Variants in RPH3A observed in about 807,000 individuals in gnomAD.
RPH3A encodes the protein rabphilin-3A.
Under a neutral mutation model 102.2 loss-of-function variants are expected in RPH3A, and 48 were observed. The ratio of observed to expected loss-of-function variants is 0.47; its 90% confidence interval spans 0.37 to 0.60. RPH3A has a LOEUF of 0.60. Ranked by LOEUF, RPH3A falls within the 20% of genes least tolerant of loss-of-function variation. RPH3A has a pLI of 0.00. For missense variants in RPH3A, 781 were observed against 910.1 expected (o/e 0.86, Z 1.83); for synonymous variants, 310 against 324.3 (o/e 0.96, Z 0.47).
intron 2 of RPH3A, among the ~76,000 whole-genome samples, chr12:112,808,186 T>C (rs2041505117): frequency 6.6e-6 from 1 of 152,124 alleles, no homozygotes; most frequent in Non-Finnish European, 1.5e-5. Context: ...CCCCAAGCCT[T>C]AGAAGGGATG....
intron 19 of RPH3A, 50 bp downstream of exon 19, chr12:112,891,053 C>G: frequency 6.2e-7 from 1 of 1,600,048 alleles, no homozygotes; most frequent in Non-Finnish European, 8.5e-7. Context: ...AGTCCTGGAG[C>G]CTTGGAAAAG....
intron 1 of RPH3A, among the ~76,000 whole-genome samples, chr12:112,617,391 G>T (rs2039688884): frequency 6.6e-6 from 1 of 152,216 alleles, no homozygotes; most frequent in Non-Finnish European, 1.5e-5. Context: ...TCAGTAGGAT[G>T]AGCTTGGACA....
chr12:112,747,912 G>A (rs1343653653), intron 1 of RPH3A, among the ~76,000 whole-genome samples: 2 of 152,210 alleles, frequency 1.3e-5, no homozygotes, highest in Non-Finnish European at 2.9e-5. Context: ...ACGCCTGGCA[G>A]CCAGGAGCCC....
intron 1 of RPH3A, among the ~76,000 whole-genome samples, chr12:112,724,437 T>C (rs1029234552): frequency 6.6e-6 from 1 of 152,182 alleles, no homozygotes; most frequent in Non-Finnish European, 1.5e-5. Flanking sequence ...CAAAAAATTT[T>C]TCCAATATAT....
intron 5 of RPH3A, among the ~76,000 whole-genome samples, chr12:112,857,709 C>G (rs1242804626): frequency 6.6e-6 from 1 of 152,164 alleles, no homozygotes; most frequent in Non-Finnish European, 1.5e-5. Flanking sequence ...ATAATTTGTT[C>G]CAGCAGCCAC....
chr12:112,620,566 G>T (rs187831307), intron 1 of RPH3A, among the ~76,000 whole-genome samples: 1 of 152,244 alleles, frequency 6.6e-6, no homozygotes, highest in Non-Finnish European at 1.5e-5. Flanking sequence ...CAGCCTGGCG[G>T]GTCCCCTAAG....
At chr12:112,895,702 G>T in intron 20 of RPH3A, 75 bp from the exon 21 acceptor site, 1 of 1,017,280 alleles carries the variant, frequency 9.8e-7, no homozygotes, top group Non-Finnish European at 1.5e-6. Flanking sequence ...ATAACCCCTA[G>T]GACTCGGCCT....
At chr12:112,581,659 C>G (rs2039401961) in intron 1 of RPH3A, among the ~76,000 whole-genome samples, 1 of 151,692 alleles carries the variant, frequency 6.6e-6, no homozygotes, top group Non-Finnish European at 1.5e-5. Flanking sequence ...CTTGGCTTCC[C>G]AAAGTGCTGG....
upstream of RPH3A, chr12:112,791,617 C>G (rs2041101707): frequency 6.6e-6 from 1 of 152,138 alleles, no homozygotes; most frequent in East Asian, 1.9e-4. Flanking sequence ...TCTGGTGCGC[C>G]CAACCTCCCC....
intron 1 of RPH3A, among the ~76,000 whole-genome samples, chr12:112,779,824 C>G (rs1185484505): frequency 4.6e-5 from 7 of 152,132 alleles, no homozygotes; most frequent in Non-Finnish European, 7.4e-5. Flanking sequence ...AAGGTGAGGT[C>G]ATCCTGGATT....
At chr12:112,612,622 T>C (rs1170428283) in intron 1 of RPH3A, among the ~76,000 whole-genome samples, 2 of 143,456 alleles carry the variant, frequency 1.4e-5, no homozygotes, top group Admixed American at 7.4e-5. Context: ...TGGAGTGCAA[T>C]GACGTGATCT....
chr12:112,714,140 C>A (rs1359269630), intron 1 of RPH3A, among the ~76,000 whole-genome samples: 2 of 151,998 alleles, frequency 1.3e-5, no homozygotes, highest in Non-Finnish European at 1.5e-5. Flanking sequence ...TGTGTCTATC[C>A]CGTGGGTTCA....
At chr12:112,773,350 G>A (rs1444393503) in intron 1 of RPH3A, among the ~76,000 whole-genome samples, 1 of 152,070 alleles carries the variant, frequency 6.6e-6, no homozygotes. Context: ...TGGTTCCTTG[G>A]TGCAGAAAAG....
At chr12:112,799,318 G>A (rs1287927409) in intron 2 of RPH3A, among the ~76,000 whole-genome samples, 1 of 152,154 alleles carries the variant, frequency 6.6e-6, no homozygotes, top group Non-Finnish European at 1.5e-5. Flanking sequence ...AGCCCAGGAG[G>A]CTGAGGCTAC....
intron 1 of RPH3A, among the ~76,000 whole-genome samples, chr12:112,777,521 C>T (rs780921329): frequency 2.0e-5 from 3 of 152,178 alleles, no homozygotes; most frequent in Non-Finnish European, 2.9e-5. Context: ...TTAAAGAACA[C>T]GTAGGTGCCT....
chr12:112,824,522 C>T (rs1015353858), intron 2 of RPH3A, among the ~76,000 whole-genome samples: 22 of 152,086 alleles, frequency 1.4e-4, no homozygotes, highest in African/African-American at 4.3e-4. Context: ...CCAGATCTGC[C>T]GGTGGACACA....
chr12:112,794,970 G>A (rs1360820042), intron 2 of RPH3A, among the ~76,000 whole-genome samples: 1 of 152,218 alleles, frequency 6.6e-6, no homozygotes, highest in Non-Finnish European at 1.5e-5. Flanking sequence ...GTTGGCAGGA[G>A]AGAGGCAGCA....
At chr12:112,706,765 T>C (rs908863033) in intron 1 of RPH3A, among the ~76,000 whole-genome samples, 1 of 152,276 alleles carries the variant, frequency 6.6e-6, no homozygotes, top group Middle Eastern at 3.4e-3. Context: ...TTTGAAATGC[T>C]CAATTTTATA....
intron 1 of RPH3A, among the ~76,000 whole-genome samples, chr12:112,621,011 T>A (rs57457554): frequency 0.027 from 3,877 of 142,204 alleles, 163 homozygotes; most frequent in African/African-American, 0.095. Flanking sequence ...AACATTATTA[T>A]TTTTTTTTTT....
Sources: allele counts gnomAD v4.1 joint callset (sites outside exome capture counted in the v4.1 genomes callset), GRCh38; gene constraint gnomAD v4.1.1; transcripts MANE v1.5; gene names NCBI Gene and HGNC (gene_info 2026-07-23, HGNC 2026-07-21).